Variants in SCAPER observed in about 807,000 individuals in gnomAD.
SCAPER encodes the protein S phase cyclin A-associated protein in the endoplasmic reticulum.
In SCAPER, 98 loss-of-function variants were observed where a neutral mutation model predicts 182.2. The ratio of observed to expected loss-of-function variants is 0.54; its 90% confidence interval spans 0.46 to 0.64. The LOEUF (loss-of-function observed/expected upper bound fraction) is 0.64, where lower values mean the gene tolerates loss of function less well. SCAPER is among the 30% of genes least tolerant of loss of function. The pLI is 0.00. For missense variants in SCAPER, 1,432 were observed against 1,690.0 expected, an observed-to-expected ratio of 0.85 and a Z score of 2.68; for synonymous variants, 605 against 564.6, an observed-to-expected ratio of 1.07 and a Z score of -1.01.
Position 76,449,182 on chromosome 15 carries a change from T to C in SCAPER, c.3079-14872A>G, listed in dbSNP as rs908826934. 2.0e-5 allele frequency among the ~76,000 whole-genome samples: 3 copies of C among 152,336 alleles called. 1 individual carries two copies. In the South Asian group the frequency reaches 6.2e-4, roughly 32 times the overall value. On this transcript the variant is annotated intron_variant, in intron 25 of 31. Coordinates refer to ENST00000563290, the MANE Select transcript of SCAPER (RefSeq NM_020843.4). The stretch of plus-strand genomic sequence containing the variant: ...TTTTTCTATAAAGGCCTATCAAATA[T>C]CTACTAAACCATATGTGAAATACAT...
chr15:76,715,515 C>T lies in SCAPER; in HGVS notation c.2166-9531G>A, dbSNP rs373854704. Among the ~76,000 whole-genome samples the T allele has an allele frequency of 3.9e-5, 6 of 152,168 alleles. No homozygotes were observed. In the East Asian group the frequency reaches 7.7e-4, roughly 20 times the overall value. Reference sequence around the variant, plus strand: ...CTACCTCTCCAAGGAGTGGTTATTGCTGCATTGTTCCCTACCCCACAGGGC... The same window carrying T: ...CTACCTCTCCAAGGAGTGGTTATTGTTGCATTGTTCCCTACCCCACAGGGC... On this transcript the variant is annotated intron_variant, in intron 17 of 31. Transcript: ENST00000563290.
intron 2 of SCAPER, among the ~76,000 whole-genome samples, chr15:76,873,887 C>A (rs751845809): frequency 1.3e-5 from 2 of 151,550 alleles, no homozygotes; most frequent in African/African-American, 4.8e-5. Flanking sequence ...CAATACATTT[C>A]TTTTCTTCTT....
intron 23 of SCAPER, among the ~76,000 whole-genome samples, chr15:76,537,106 T>A (rs956523445): frequency 1.3e-5 from 2 of 151,842 alleles, no homozygotes; most frequent in African/African-American, 4.8e-5. Flanking sequence ...TGCTCATGGG[T>A]AGGAAGAATC....
intron 14 of SCAPER, among the ~76,000 whole-genome samples, chr15:76,760,155 C>T (rs1048639395): frequency 6.6e-6 from 1 of 152,162 alleles, no homozygotes; most frequent in Admixed American, 6.5e-5. Context: ...TCTACCTGGT[C>T]CCGCAGATTA....
At chr15:76,556,286 T>C (rs777440114) in intron 23 of SCAPER, among the ~76,000 whole-genome samples, 19 of 152,074 alleles carry the variant, frequency 1.2e-4, no homozygotes, top group Non-Finnish European at 2.6e-4. Context: ...AGAGGGAAGT[T>C]TATAGCGTTA....
At chr15:76,560,258 T>C (rs1406434093) in intron 23 of SCAPER, among the ~76,000 whole-genome samples, 1 of 152,190 alleles carries the variant, frequency 6.6e-6, no homozygotes, top group Non-Finnish European at 1.5e-5. Context: ...AATCCTATCC[T>C]ACTTTTCAAA....
At chr15:76,894,336 G>A (rs528972369) in intron 1 of SCAPER, among the ~76,000 whole-genome samples, 1 of 152,222 alleles carries the variant, frequency 6.6e-6, no homozygotes, top group East Asian at 1.9e-4. Context: ...TAGGTGGGAG[G>A]ATTGCTTGAG....
chr15:76,608,005 C>A (rs2050607897), intron 22 of SCAPER, among the ~76,000 whole-genome samples: 3 of 152,208 alleles, frequency 2.0e-5, no homozygotes, highest in Admixed American at 6.5e-5. Context: ...CTGAAGCCTT[C>A]TTCTCTCAAC....
At chr15:76,787,709 A>C (rs1028468470) in intron 8 of SCAPER, among the ~76,000 whole-genome samples, 6 of 152,212 alleles carry the variant, frequency 3.9e-5, no homozygotes, top group African/African-American at 1.4e-4. Context: ...TTATACAAAA[A>C]TTAACTTAAA....
chr15:76,727,117 A>C (rs921744284), intron 17 of SCAPER, among the ~76,000 whole-genome samples: 2 of 152,100 alleles, frequency 1.3e-5, no homozygotes, highest in African/African-American at 4.8e-5. Flanking sequence ...GATGTTCTGA[A>C]AGACCTAAAT....
intron 8 of SCAPER, among the ~76,000 whole-genome samples, chr15:76,795,027 G>A (rs1463318754): frequency 6.6e-6 from 1 of 152,048 alleles, no homozygotes; most frequent in Non-Finnish European, 1.5e-5. Flanking sequence ...ATCTTATAAT[G>A]AATAAACAAA....
intron 2 of SCAPER, among the ~76,000 whole-genome samples, chr15:76,881,806 T>C (rs1284029265): frequency 1.3e-5 from 2 of 152,328 alleles, no homozygotes; most frequent in East Asian, 3.9e-4. Flanking sequence ...TAGTGATAGC[T>C]GCACAACAAT....
chr15:76,874,826 T>C (rs1470813147), intron 2 of SCAPER, among the ~76,000 whole-genome samples: 1 of 151,962 alleles, frequency 6.6e-6, no homozygotes, highest in East Asian at 1.9e-4. Context: ...TAGCCAGGCA[T>C]GGTGGTACCA....
chr15:76,781,645 T>C (rs2064149416), intron 8 of SCAPER, among the ~76,000 whole-genome samples: 1 of 152,116 alleles, frequency 6.6e-6, no homozygotes, highest in African/African-American at 2.4e-5. Flanking sequence ...GAGAGAAAGG[T>C]AGGGTTACCC....
chr15:76,401,133 G>GATATGT (rs1474374231), intron 27 of SCAPER, among the ~76,000 whole-genome samples: 1 of 151,852 alleles, frequency 6.6e-6, no homozygotes, highest in Admixed American at 6.6e-5. Context: ...ATATGTATAT[G>GATATGT]ATATGTATAT....
rs71143321 is a variant in SCAPER at position 76,397,474 on chromosome 15, C to CTTTTT, written c.3467+7045_3467+7049dup. ...TCCTGGGCTTTTCTTTATTGGCAGA[C>CTTTTT]TTTTTTTTTTTTTTTTTTTTTTTGA... On this transcript the variant is annotated intron_variant, in intron 27 of 31. Coordinates refer to ENST00000563290, the MANE Select transcript of SCAPER (RefSeq NM_020843.4). Among the ~76,000 whole-genome samples the CTTTTT allele has an allele frequency of 1.6e-3, 118 of 71,528 alleles. 3 individuals carry two copies. Among genetic ancestry groups the CTTTTT allele is most frequent in the Non-Finnish European group, 2.2e-3 (88 of 40,190 alleles). The allele number at this position is 71,528 out of a possible 152,430, so 46.9% of individuals were successfully genotyped here.
chr15:76,701,744 A>G lies in SCAPER; in HGVS notation c.2508+14T>C. The G allele has an allele frequency of 6.2e-7, 1 of 1,603,564 alleles. No individual in the cohort carries two copies. Among genetic ancestry groups the G allele is most frequent in the Non-Finnish European group, 8.5e-7 (1 of 1,170,544 alleles). On this transcript the variant is annotated intron_variant, in intron 20 of 31. Transcript: ENST00000563290. Reference sequence around the variant, plus strand: ...CTCAATAAACAATTGTAAATGAACAAAAATAAAGTTTACCACTTCTTCATC... The same window carrying G: ...CTCAATAAACAATTGTAAATGAACAGAAATAAAGTTTACCACTTCTTCATC...
chr15:76,640,850 G>A (rs1158711218), intron 21 of SCAPER, among the ~76,000 whole-genome samples: 1 of 152,202 alleles, frequency 6.6e-6, no homozygotes, highest in African/African-American at 2.4e-5. Context: ...CCAACAGCAC[G>A]TGATGTGCTT....
intron 23 of SCAPER, among the ~76,000 whole-genome samples, chr15:76,511,673 T>C (rs929087374): frequency 6.6e-6 from 1 of 152,106 alleles, no homozygotes; most frequent in African/African-American, 2.4e-5. Flanking sequence ...CCTCTAGTTT[T>C]TCATCTTTGT....
Sources: allele counts gnomAD v4.1 joint callset (sites outside exome capture counted in the v4.1 genomes callset), GRCh38; gene constraint gnomAD v4.1.1; transcripts MANE v1.5; gene names NCBI Gene and HGNC (gene_info 2026-07-23, HGNC 2026-07-21).